PSMG3: variants seen among roughly 807,000 people sequenced by gnomAD.
The protein encoded by PSMG3 is PAC-3.
A neutral mutation model predicts 7.9 loss-of-function variants in PSMG3; 4 were observed. That is an observed-to-expected ratio of 0.51 (90% CI 0.25 to 1.16). PSMG3 has a LOEUF of 1.16. Ranked by LOEUF, PSMG3 falls within the 50% of genes most tolerant of loss-of-function variation. The probability of loss-of-function intolerance (pLI) is 0.15; values close to 1 mark genes in which losing one functional copy is unlikely to be tolerated. For missense variants in PSMG3, 151 were observed against 157.4 expected (o/e 0.96, Z 0.22); for synonymous variants, 81 against 69.8 (o/e 1.16, Z -0.80).
Position 1,569,599 on chromosome 7 carries a change from C to A in PSMG3, c.-260G>T. On this transcript the variant is annotated 5_prime_UTR_variant, in exon 1 of 2. Coordinates refer to ENST00000288607, the MANE Select transcript of PSMG3 (RefSeq NM_032302.4). The stretch of plus-strand genomic sequence containing the variant: ...CTGGCCAACATAGCGAGACCCCCAT[C>A]TCTACCAAAAAAAAAAAAAAAAAAA... The A allele has an allele frequency of 3.1e-5, 7 of 224,700 alleles. No individual in the cohort carries two copies. Among genetic ancestry groups the A allele is most frequent in the Non-Finnish European group, 5.1e-5 (6 of 117,970 alleles). 13.9% of individuals were successfully genotyped at this position (224,700 alleles called of 1,614,324 possible).
Position 1,569,801 on chromosome 7 carries a change from A to G in PSMG3, c.-462T>C, listed in dbSNP as rs1778855154. ...AACAGAAGCAGGAGCGGGGCCGCCC[A>G]TAGAGACCGCGCCTGGGGCTTTCTG... On this transcript the variant is annotated 5_prime_UTR_variant, in exon 1 of 2. It removes an upstream start codon present in the reference 5' UTR. Coordinates refer to ENST00000288607, the MANE Select transcript of PSMG3 (RefSeq NM_032302.4). 1 of 154,610 alleles carries G rather than the reference A, an allele frequency of 6.5e-6. No homozygotes were observed. Among genetic ancestry groups the G allele is most frequent in the Non-Finnish European group, 1.4e-5 (1 of 69,552 alleles). The allele number at this position is 154,610 out of a possible 1,614,324, so 9.6% of individuals were successfully genotyped here. A position where few individuals can be genotyped will look rare whatever the true frequency, so the allele number is the denominator to read the frequency against.
chr7:1,569,617 A>T lies in PSMG3; in HGVS notation c.-278T>A. The T allele has an allele frequency of 6.4e-6, 2 of 313,964 alleles. No individual in the cohort carries two copies. Among genetic ancestry groups the T allele is most frequent in the Non-Finnish European group, 1.2e-5 (2 of 168,300 alleles). The allele number at this position is 313,964 out of a possible 1,614,324, so 19.4% of individuals were successfully genotyped here. A position where few individuals can be genotyped will look rare whatever the true frequency, so the allele number is the denominator to read the frequency against. Reference sequence around the variant, plus strand: ...CCCCCATCTCTACCAAAAAAAAAAAAAAAAAAAACCAGCAGGGCGCGCCTG... The same window carrying T: ...CCCCCATCTCTACCAAAAAAAAAAATAAAAAAAACCAGCAGGGCGCGCCTG... On this transcript the variant is annotated 5_prime_UTR_variant, in exon 1 of 2. Transcript: ENST00000288607.
rs1778838539 is a variant in PSMG3 at position 1,569,455 on chromosome 7, G to A, written c.-116C>T. ...AAAAAGTAGCACGGGGCATTGAAAC[G>A]GAAACGCAAGGAGGCCCATTCAAAA... On this transcript the variant is annotated 5_prime_UTR_variant, in exon 1 of 2. Transcript: ENST00000288607. 5 of 828,290 alleles carry A rather than the reference G, an allele frequency of 6.0e-6. No individual in the cohort carries two copies. The highest frequency in any genetic ancestry group is 9.2e-6 in the Non-Finnish European group (5 of 544,784). The allele number at this position is 828,290 out of a possible 1,614,324, so 51.3% of individuals were successfully genotyped here. A position where few individuals can be genotyped will look rare whatever the true frequency, so the allele number is the denominator to read the frequency against.
In PSMG3 at chr7:1,569,289, G is replaced by C. The variant is rs374957691; in HGVS notation, c.51C>G (p.Cys17Trp). 2.5e-6 allele frequency: 4 copies of C among 1,612,798 alleles called. 1 individual carries two copies. Among genetic ancestry groups the C allele is most frequent in the Middle Eastern group, 1.8e-4 (1 of 5,600 alleles). Residue 17 changes from cysteine (C) to tryptophan (W), a missense_variant, in exon 1 of 2, where the codon TGC becomes TGG. Physicochemically the swap from Cys to Trp is radical, Grantham distance 215. Coordinates refer to ENST00000288607, the MANE Select transcript of PSMG3 (RefSeq NM_032302.4). ...VISKQKTEVVCGVPTQVVCTA... is the reference protein window; with the variant it reads ...VISKQKTEVVWGVPTQVVCTA... ...TACACACCACCTGGGTGGGGACCCC[G>C]CACACCACCTCCGTCTTCTGCTTCG...
chr7:1,567,971 A>G (rs549051913), intron 1 of PSMG3, 121 bp from the exon 2 acceptor site: 69 of 867,208 alleles, frequency 8.0e-5, no homozygotes, highest in Admixed American at 6.9e-4. Context: ...TAACCGCCAC[A>G]TAAGTCCATG....
In PSMG3 at chr7:1,567,393, A is replaced by G; in HGVS notation, c.*305T>C. ...TTTCCTCCTACAATTGATCCTGCAC[A>G]CGGGGGGGCCATGAGCCACGCCTGC... On this transcript the variant is annotated 3_prime_UTR_variant, in exon 2 of 2. Coordinates refer to ENST00000288607, the MANE Select transcript of PSMG3 (RefSeq NM_032302.4). 1 of 305,542 alleles carries G rather than the reference A, an allele frequency of 3.3e-6. No individual in the cohort carries two copies. The highest frequency in any genetic ancestry group is 5.0e-5 in the Admixed American group (1 of 19,836). The allele number at this position is 305,542 out of a possible 1,614,324, so 18.9% of individuals were successfully genotyped here.
At chr7:1,567,926 C>T in intron 1 of PSMG3, 76 bp from the exon 2 acceptor site, 1 of 1,452,470 alleles carries the variant, frequency 6.9e-7, no homozygotes, top group Non-Finnish European at 9.4e-7. Context: ...ATGAAGTATC[C>T]CTTAGGAACC....
At position 1,569,371 on chromosome 7, in the gene PSMG3, G is replaced by C. The variant is rs1273723388; in HGVS notation, c.-32C>G. Reference sequence around the variant, plus strand: ...GCTCTGCAGTGGCAGCTTTAATTTAGGTTAAAAAGAAAGGGGAAAAAAAGG... The same window carrying C: ...GCTCTGCAGTGGCAGCTTTAATTTACGTTAAAAAGAAAGGGGAAAAAAAGG... On this transcript the variant is annotated 5_prime_UTR_variant, in exon 1 of 2. Coordinates refer to ENST00000288607, the MANE Select transcript of PSMG3 (RefSeq NM_032302.4). 2.0e-6 allele frequency: 3 copies of C among 1,531,310 alleles called. No individual in the cohort carries two copies. The highest frequency in any genetic ancestry group is 2.3e-4 in the Middle Eastern group (1 of 4,262). The allele number at this position is 1,531,310 out of a possible 1,614,324, so 94.9% of individuals were successfully genotyped here.
Position 1,567,426 on chromosome 7 carries a change from T to C in PSMG3, c.*272A>G. The C allele has an allele frequency of 2.9e-6, 1 of 350,176 alleles. No homozygotes were observed. Among genetic ancestry groups the C allele is most frequent in the Non-Finnish European group, 5.1e-6 (1 of 194,968 alleles). The allele number at this position is 350,176 out of a possible 1,614,324, so 21.7% of individuals were successfully genotyped here. On this transcript the variant is annotated 3_prime_UTR_variant, in exon 2 of 2. Transcript: ENST00000288607. ...GCCATGAGCCACGCCTGCTGACTCA[T>C]TCCTCCAATTCTCAAACACAAGCAA...
At chr7:1,567,890 A>C (rs777894464) in intron 1 of PSMG3, 40 bp from the exon 2 acceptor site, 1 of 1,598,962 alleles carries the variant, frequency 6.3e-7, no homozygotes, top group African/African-American at 1.3e-5. Flanking sequence ...AACTGCAAGA[A>C]ACCTGGTTTT....
chr7:1,569,481 G>T lies in PSMG3; in HGVS notation c.-142C>A. The T allele has an allele frequency of 1.4e-6, 1 of 696,322 alleles. No homozygotes were observed. Among genetic ancestry groups the T allele is most frequent in the Non-Finnish European group, 2.3e-6 (1 of 427,420 alleles). 43.1% of individuals were successfully genotyped at this position (696,322 alleles called of 1,614,324 possible). A position where few individuals can be genotyped will look rare whatever the true frequency, so the allele number is the denominator to read the frequency against. On this transcript the variant is annotated 5_prime_UTR_variant, in exon 1 of 2. Coordinates refer to ENST00000288607, the MANE Select transcript of PSMG3 (RefSeq NM_032302.4). ...GAAACGCAAGGAGGCCCATTCAAAA[G>T]AAGGGGCCAGGCGCGGTGGCTCATG...
chr7:1,567,544 G>C lies in PSMG3; in HGVS notation c.*154C>G. 1 of 673,386 alleles carries C rather than the reference G, an allele frequency of 1.5e-6. No homozygotes were observed. Among genetic ancestry groups the C allele is most frequent in the Non-Finnish European group, 2.5e-6 (1 of 399,498 alleles). 41.7% of individuals were successfully genotyped at this position (673,386 alleles called of 1,614,324 possible). A position where few individuals can be genotyped will look rare whatever the true frequency, so the allele number is the denominator to read the frequency against. On this transcript the variant is annotated 3_prime_UTR_variant, in exon 2 of 2. Transcript: ENST00000288607. ...CAGATGATCTTAGTAACCAGAGTAA[G>C]AGTCTGCCTGAGACACGAGTCTTTT...
Position 1,567,677 on chromosome 7 carries a change from C to T in PSMG3, c.*21G>A, listed in dbSNP as rs201568950. 50 of 1,609,580 alleles carry T rather than the reference C, an allele frequency of 3.1e-5. No homozygotes were observed. The South Asian group carries it at 3.5e-4, about 11-fold the overall frequency. On this transcript the variant is annotated 3_prime_UTR_variant, in exon 2 of 2. Coordinates refer to ENST00000288607, the MANE Select transcript of PSMG3 (RefSeq NM_032302.4). ...GGTGTTCACGTGTCCTGCTGAGCAG[C>T]GCGGGGCGGCTGCCTCCAGGTCACC...
chr7:1,569,522 C>T lies in PSMG3; in HGVS notation c.-183G>A. ...GTGGCTCATGCCTGTCATCCCGGCACTTTGGGAGGCCGAGACAGGACGATC... is the reference window on the plus strand; with the variant it reads ...GTGGCTCATGCCTGTCATCCCGGCATTTTGGGAGGCCGAGACAGGACGATC... On this transcript the variant is annotated 5_prime_UTR_variant, in exon 1 of 2. It adds an upstream start codon to the 5' untranslated region. Transcript: ENST00000288607. The T allele has an allele frequency of 1.9e-6, 1 of 517,334 alleles. No individual in the cohort carries two copies. Among genetic ancestry groups the T allele is most frequent in the Non-Finnish European group, 3.4e-6 (1 of 291,730 alleles). 32.0% of individuals were successfully genotyped at this position (517,334 alleles called of 1,614,324 possible).
chr7:1,569,109 G>C lies in PSMG3; in HGVS notation c.216+15C>G. ...TTACAGGCGTGAGCCACAGTTCCCG[G>C]CCAATCCACTTTACCTCATCCTGCC... On this transcript the variant is annotated intron_variant, in intron 1 of 1. Transcript: ENST00000288607. The C allele has an allele frequency of 6.2e-7, 1 of 1,610,660 alleles. No homozygotes were observed. The highest frequency in any genetic ancestry group is 1.7e-5 in the Admixed American group (1 of 59,996).
Position 1,569,112 on chromosome 7 carries a change from A to G in PSMG3, c.216+12T>C. 1 of 1,611,832 alleles carries G rather than the reference A, an allele frequency of 6.2e-7. No individual in the cohort carries two copies. ...CAGGCGTGAGCCACAGTTCCCGGCC[A>G]ATCCACTTTACCTCATCCTGCCCCA... On this transcript the variant is annotated intron_variant, in intron 1 of 1. Coordinates refer to ENST00000288607, the MANE Select transcript of PSMG3 (RefSeq NM_032302.4).
rs1236570152 is a variant in PSMG3, at chr7:1,567,490, G to A, written c.*208C>T. 6 of 476,216 alleles carry A rather than the reference G, an allele frequency of 1.3e-5. No individual in the cohort carries two copies. In the East Asian group the frequency reaches 1.4e-4, roughly 11 times the overall value. The allele number at this position is 476,216 out of a possible 1,614,324, so 29.5% of individuals were successfully genotyped here. ...GGTGAGAACCATTCACGACTCCTCC[G>A]GGACCTGTTCCACCCTCCCCGTCAT... is the stretch of plus-strand genomic sequence containing the variant. On this transcript the variant is annotated 3_prime_UTR_variant, in exon 2 of 2. Transcript: ENST00000288607.
chr7:1,567,770 C>G lies in PSMG3; in HGVS notation c.297G>C (p.Val99=). Reference sequence around the variant, plus strand: ...CCTCCATGCTTTTGTCCTTCACGGCCACGGCGAGGAGGACTGCTCTGTTTC... The same window carrying G: ...CCTCCATGCTTTTGTCCTTCACGGCGACGGCGAGGAGGACTGCTCTGTTTC... ...EAGNRAVLLA[V]AVKDKSMEGL... Residue 99 remains valine, a synonymous_variant, in exon 2 of 2, where the codon GTG becomes GTC. Transcript: ENST00000288607. The G allele has an allele frequency of 6.2e-7, 1 of 1,614,182 alleles. No individual in the cohort carries two copies. Among genetic ancestry groups the G allele is most frequent in the Non-Finnish European group, 8.5e-7 (1 of 1,180,016 alleles).
intron 1 of PSMG3, among the ~76,000 whole-genome samples, chr7:1,568,350 T>A (rs1778812621): frequency 6.6e-6 from 1 of 152,124 alleles, no homozygotes; most frequent in Non-Finnish European, 1.5e-5. Flanking sequence ...GAAAATGCTA[T>A]CGCTGTAGGG....
Sources: allele counts gnomAD v4.1 joint callset (sites outside exome capture counted in the v4.1 genomes callset), GRCh38; gene constraint gnomAD v4.1.1; transcripts MANE v1.5; gene names NCBI Gene and HGNC (gene_info 2026-07-23, HGNC 2026-07-21).